Variants in CDKL5 observed in about 807,000 individuals in gnomAD.
CDKL5 encodes the protein cyclin dependent kinase like 5, also known as cyclin-dependent kinase-like 5.
A neutral mutation model predicts 61.7 loss-of-function variants in CDKL5; 8 were observed. The ratio of observed to expected loss-of-function variants is 0.13; its 90% CI spans 0.08 to 0.23. The LOEUF (loss-of-function observed/expected upper bound fraction) is 0.23, where lower values mean the gene tolerates loss of function less well. Among genes scored for constraint, CDKL5 ranks in the 10% least tolerant of loss-of-function variants. The pLI is 1.00. For synonymous variants in CDKL5, 275 were observed against 272.3 expected (o/e 1.01, Z -0.10); for missense variants, 440 against 734.5 (o/e 0.60, Z 4.63).
At chrX:18,538,921 A>G (rs745615995) in intron 3 of CDKL5, among the ~76,000 whole-genome samples, 33 of 111,781 alleles carry the variant, frequency 3.0e-4, no homozygotes, top group Non-Finnish European at 4.7e-4. Context: ...TAATTACATG[A>G]CTCTTAAAGT....
intron 2 of CDKL5, 73 bp from the exon 3 acceptor site, chrX:18,510,747 G>T: frequency 3.6e-6 from 3 of 837,172 alleles, no homozygotes; most frequent in Non-Finnish European, 5.4e-6. Context: ...ATAACACTGA[G>T]AAGCAATGTC....
intron 2 of CDKL5, among the ~76,000 whole-genome samples, chrX:18,508,312 TTAAAA>T (rs1249542980): frequency 5.3e-5 from 6 of 112,325 alleles, no homozygotes; most frequent in Admixed American, 9.4e-5. Flanking sequence ...ATAGAAACAA[TTAAAA>T]TAAAGAGTTT....
intron 9 of CDKL5, among the ~76,000 whole-genome samples, chrX:18,592,182 A>G (rs1925851410): frequency 8.9e-6 from 1 of 112,275 alleles, no homozygotes; most frequent in Admixed American, 9.5e-5. Flanking sequence ...TTAATAACTT[A>G]CAAACTAGCT....
intron 1 of CDKL5, among the ~76,000 whole-genome samples, chrX:18,438,672 C>T (rs922938222): frequency 1.9e-5 from 2 of 106,120 alleles, no homozygotes; most frequent in African/African-American, 6.9e-5. Context: ...TGTCTGTAGT[C>T]CCAGCTACTC....
intron 3 of CDKL5, among the ~76,000 whole-genome samples, chrX:18,527,570 T>A (rs1481104821): frequency 8.9e-6 from 1 of 111,813 alleles, no homozygotes; most frequent in Non-Finnish European, 1.9e-5. Context: ...TGTGATTTGG[T>A]AGTGATGACT....
intron 16 of CDKL5, among the ~76,000 whole-genome samples, chrX:18,622,301 A>ATCTCTGCAT (rs1926910947): frequency 8.9e-6 from 1 of 112,447 alleles, no homozygotes; most frequent in Non-Finnish European, 1.9e-5. Context: ...ACTGTAGAAT[A>ATCTCTGCAT]TCTCTGCATA....
intron 1 of CDKL5, among the ~76,000 whole-genome samples, chrX:18,470,356 AAAAAAAAAAAAAAGAAGAAAAG>A (rs1293294299): frequency 1.4e-4 from 9 of 62,863 alleles, no homozygotes; most frequent in Middle Eastern, 7.2e-3. Context: ...AGAAGAAAAG[AAAAAAAAAAAAAAGAAGAAAAG>A]AAAAAAAAAA....
At chrX:18,653,358 G>A in intron 21 of CDKL5, 1 of 1,182,025 alleles carries the variant, frequency 8.5e-7, no homozygotes, top group South Asian at 1.8e-5. Context: ...GGGGGGCCCG[G>A]GCATTAGCCA....
chrX:18,438,789 CAA>C (rs1196032367), intron 1 of CDKL5, among the ~76,000 whole-genome samples: 7 of 29,439 alleles, frequency 2.4e-4, no homozygotes, highest in Non-Finnish European at 6.5e-5. Flanking sequence ...ACCTCCGTCT[CAA>C]AAAAAAAAAA....
intron 3 of CDKL5, among the ~76,000 whole-genome samples, chrX:18,541,294 C>T (rs1289767114): frequency 9.0e-6 from 1 of 111,554 alleles, no homozygotes; most frequent in African/African-American, 3.3e-5. Flanking sequence ...CCTTCTGAAC[C>T]TCCAGTGACA....
chrX:18,644,550 T>C (rs1927701439), downstream of CDKL5: 10 of 1,211,681 alleles, frequency 8.3e-6, no homozygotes, highest in East Asian at 3.0e-4. Flanking sequence ...TGAGGATCCC[T>C]GAAATCACTT....
chrX:18,475,021 A>G (rs1602212302), intron 1 of CDKL5, among the ~76,000 whole-genome samples: 1 of 103,721 alleles, frequency 9.6e-6, no homozygotes, highest in East Asian at 3.1e-4. Context: ...TGCAGTGGCA[A>G]TCTCAGCTCA....
At chrX:18,455,302 T>C (rs1440047618) in intron 1 of CDKL5, among the ~76,000 whole-genome samples, 2 of 112,492 alleles carry the variant, frequency 1.8e-5, no homozygotes, top group African/African-American at 6.4e-5. Flanking sequence ...AAGCATCCAA[T>C]GTAATTTTTA....
intron 1 of CDKL5, among the ~76,000 whole-genome samples, chrX:18,430,106 GCAGACTTTTCTAACCAGAGGGT>G (rs1378769072): frequency 8.9e-6 from 1 of 112,227 alleles, no homozygotes; most frequent in Non-Finnish European, 1.9e-5. Flanking sequence ...AATTGGAAGT[GCAGACTTTTCTAACCAGAGGGT>G]CAGACTTTTC....
In CDKL5 at chrX:18,625,221, GAGA is replaced by G; in HGVS notation, c.2474_2476del (p.Lys825del). 2 of 1,209,048 alleles carry G rather than the reference GAGA, an allele frequency of 1.7e-6. No homozygotes were observed. Among genetic ancestry groups the G allele is most frequent in the Non-Finnish European group, 2.2e-6 (2 of 894,592 alleles). On this transcript the variant is annotated inframe_deletion, in exon 17 of 18. Coordinates refer to ENST00000623535, the MANE Select transcript of CDKL5 (RefSeq NM_001323289.2). ...CAGCAGACCAAAGGAGTGGCGCCCC[GAGA>G]AGATCTCAGATCTGCAGACCCAAGT...
chrX:18,565,824 T>C (rs1337929372), intron 4 of CDKL5, among the ~76,000 whole-genome samples: 4 of 111,756 alleles, frequency 3.6e-5, no homozygotes, highest in Non-Finnish European at 7.5e-5. Context: ...AAAAGAACTT[T>C]TTGCTTGTTC....
chrX:18,450,766 C>T (rs992264957), intron 1 of CDKL5, among the ~76,000 whole-genome samples: 38 of 110,707 alleles, frequency 3.4e-4, no homozygotes, highest in African/African-American at 1.2e-3. Context: ...GTAGAGATGG[C>T]GTTTCACCAT....
intron 1 of CDKL5, chrX:18,426,219 T>C (rs1054184525): frequency 1.8e-5 from 2 of 112,758 alleles, no homozygotes; most frequent in Admixed American, 1.8e-4. Flanking sequence ...GAGGGTGGGC[T>C]AGCGACCGGG....
chrX:18,543,142 GTGCTGCAGTTTTTCCAT>G (rs781278345), intron 3 of CDKL5, among the ~76,000 whole-genome samples: 3 of 110,369 alleles, frequency 2.7e-5, no homozygotes, highest in Admixed American at 1.9e-4. Flanking sequence ...CAGTGGGGTG[GTGCTGCAGTTTTTCCAT>G]TGCTGCAGTT....
Sources: allele counts gnomAD v4.1 joint callset (sites outside exome capture counted in the v4.1 genomes callset), GRCh38; gene constraint gnomAD v4.1.1; transcripts MANE v1.5; gene names NCBI Gene and HGNC (gene_info 2026-07-23, HGNC 2026-07-21).